TIAM1: variants seen among roughly 807,000 people sequenced by gnomAD.
TIAM1 encodes the protein TIAM Rac1 associated GEF 1, also known as rho guanine nucleotide exchange factor TIAM1.
TIAM1 carries 65 observed loss-of-function variants against 163.5 expected under a neutral mutation model. The ratio of observed to expected loss-of-function variants is 0.40; its 90% CI spans 0.33 to 0.49. TIAM1 has a LOEUF of 0.49. Ranked by LOEUF, TIAM1 falls within the 20% of genes least tolerant of loss-of-function variation. The probability of loss-of-function intolerance (pLI) is 0.77; values close to 1 mark genes in which losing one functional copy is unlikely to be tolerated. For missense variants in TIAM1, 1,789 were observed against 2,044.7 expected, an observed-to-expected ratio of 0.87 and a Z score of 2.41; for synonymous variants, 833 against 810.1, an observed-to-expected ratio of 1.03 and a Z score of -0.48.
In TIAM1 at chr21:31,451,421, ACAGGG is replaced by A. The variant is rs1312709578; in HGVS notation, c.-369+12557_-369+12561del. Among the ~76,000 whole-genome samples the A allele has an allele frequency of 2.0e-5, 3 of 152,244 alleles. No individual in the cohort carries two copies. In the East Asian group the frequency reaches 5.8e-4, roughly 29 times the overall value. ...ATAGATGTATATATACACACTGCATACAGGGAAGTTAGCCAAGTCTACACATGACT... is the reference window on the plus strand; with the variant it reads ...ATAGATGTATATATACACACTGCATAAAGTTAGCCAAGTCTACACATGACT... On this transcript the variant is annotated intron_variant, in intron 2 of 28. Transcript: ENST00000286827.
At chr21:31,184,896 C>T (rs539706234) in intron 14 of TIAM1, among the ~76,000 whole-genome samples, 15 of 152,322 alleles carry the variant, frequency 9.8e-5, no homozygotes, top group Admixed American at 7.2e-4. Flanking sequence ...CCTTTCCATG[C>T]ATAGCCAAGT....
intron 1 of TIAM1, among the ~76,000 whole-genome samples, chr21:31,497,175 A>T (rs1249552874): frequency 6.6e-6 from 1 of 152,176 alleles, no homozygotes; most frequent in Non-Finnish European, 1.5e-5. Flanking sequence ...AGGGTATACC[A>T]TCTAGGTTTA....
chr21:31,242,860 C>CAAAAAAAAAAAAA (rs11417948), intron 6 of TIAM1, among the ~76,000 whole-genome samples: 15 of 94,804 alleles, frequency 1.6e-4, no homozygotes, highest in South Asian at 3.7e-4. Flanking sequence ...GACTCTGTCT[C>CAAAAAAAAAAAAA]AAAAAAAAAA....
intron 1 of TIAM1, among the ~76,000 whole-genome samples, chr21:31,539,794 T>C (rs1039576625): frequency 6.6e-6 from 1 of 152,190 alleles, no homozygotes; most frequent in Non-Finnish European, 1.5e-5. Flanking sequence ...CCAGGTTGTG[T>C]GGCCTGTCAC....
intron 6 of TIAM1, among the ~76,000 whole-genome samples, chr21:31,243,364 T>C (rs927771931): frequency 6.7e-6 from 1 of 149,542 alleles, no homozygotes; most frequent in African/African-American, 2.5e-5. Flanking sequence ...GATTAAGGAA[T>C]AGAATGAAAA....
At chr21:31,300,329 A>C (rs964667994) in intron 2 of TIAM1, among the ~76,000 whole-genome samples, 1 of 152,204 alleles carries the variant, frequency 6.6e-6, no homozygotes, top group African/African-American at 2.4e-5. Context: ...ACCCAGTCTC[A>C]GGTATTTCTT....
At position 31,203,653 on chromosome 21, in the gene TIAM1, G is replaced by C. The variant is rs377008309; in HGVS notation, c.2389-641C>G. The stretch of plus-strand genomic sequence containing the variant: ...CAACACAACACAGCAGATCAAAAAG[G>C]TTCTTAAATATAACTTCATAGATAG... On this transcript the variant is annotated intron_variant, in intron 11 of 27. Coordinates refer to ENST00000541036, the MANE Select transcript of TIAM1 (RefSeq NM_001353694.2). Among the ~76,000 whole-genome samples the C allele has an allele frequency of 1.1e-3, 170 of 149,642 alleles. 1 individual carries two copies. Among genetic ancestry groups the C allele is most frequent in the African/African-American group, 3.6e-3 (149 of 41,342 alleles).
intron 1 of TIAM1, among the ~76,000 whole-genome samples, chr21:31,523,581 A>C (rs978972201): frequency 2.6e-5 from 4 of 152,150 alleles, no homozygotes; most frequent in Non-Finnish European, 4.4e-5. Context: ...CTGTGGGCAA[A>C]TCTCTTCATC....
chr21:31,365,042 A>G (rs939934116), intron 2 of TIAM1, among the ~76,000 whole-genome samples: 4 of 152,190 alleles, frequency 2.6e-5, no homozygotes, highest in Non-Finnish European at 5.9e-5. Flanking sequence ...ACATGACACC[A>G]ATTATTCTTC....
chr21:31,185,163 A>C (rs2085219937), intron 14 of TIAM1, among the ~76,000 whole-genome samples: 1 of 152,050 alleles, frequency 6.6e-6, no homozygotes, highest in African/African-American at 2.4e-5. Flanking sequence ...CACTTCTTGG[A>C]TGAAACTACA....
intron 8 of TIAM1, among the ~76,000 whole-genome samples, chr21:31,222,750 C>T (rs1249850052): frequency 4.8e-5 from 5 of 103,476 alleles, no homozygotes; most frequent in African/African-American, 1.8e-4. Flanking sequence ...CAGAGTCTCA[C>T]TTTGTCACCC....
chr21:31,192,621 AAGAC>A (rs1245698747), intron 13 of TIAM1, among the ~76,000 whole-genome samples: 2 of 152,116 alleles, frequency 1.3e-5, no homozygotes, highest in Non-Finnish European at 2.9e-5. Flanking sequence ...AAAAAAAAAA[AAGAC>A]AGCTTAATAA....
At chr21:31,295,850 T>C (rs1421795480) in intron 2 of TIAM1, among the ~76,000 whole-genome samples, 6 of 152,154 alleles carry the variant, frequency 3.9e-5, no homozygotes, top group African/African-American at 1.4e-4. Flanking sequence ...TGGGCTGGAG[T>C]GCAGTGGAGC....
intron 26 of TIAM1, among the ~76,000 whole-genome samples, chr21:31,125,404 G>C (rs1187000023): frequency 6.6e-6 from 1 of 152,072 alleles, no homozygotes; most frequent in East Asian, 1.9e-4. Context: ...AGCCAAAATA[G>C]ACGGTAAAGG....
chr21:31,427,763 G>C (rs1416137575), intron 2 of TIAM1, among the ~76,000 whole-genome samples: 6 of 152,104 alleles, frequency 3.9e-5, no homozygotes, highest in Non-Finnish European at 7.3e-5. Context: ...GAGCCCAGGA[G>C]ATTGAGGCTG....
At chr21:31,509,436 G>A (rs2047138384) in intron 1 of TIAM1, among the ~76,000 whole-genome samples, 1 of 152,194 alleles carries the variant, frequency 6.6e-6, no homozygotes, top group Non-Finnish European at 1.5e-5. Flanking sequence ...CACCTGCCTG[G>A]CACAGGCGCC....
At chr21:31,404,972 GTGGGCATGCCTGTA>G (rs199779046) in intron 2 of TIAM1, among the ~76,000 whole-genome samples, 6,213 of 152,182 alleles carry the variant, frequency 0.041, 156 homozygotes, top group South Asian at 0.11. Flanking sequence ...GCCAGGCATA[GTGGGCATGCCTGTA>G]ATCTCAGCAC....
At chr21:31,162,296 T>C (rs977584331) in intron 16 of TIAM1, among the ~76,000 whole-genome samples, 6 of 152,150 alleles carry the variant, frequency 3.9e-5, no homozygotes, top group Non-Finnish European at 7.3e-5. Context: ...GTGCCTAATA[T>C]ATACAAGACC....
chr21:31,150,111 A>G (rs2083309188), intron 19 of TIAM1, among the ~76,000 whole-genome samples: 1 of 152,188 alleles, frequency 6.6e-6, no homozygotes. Flanking sequence ...AATCTAGATG[A>G]AGGGTATTCA....
Sources: gnomAD v4.1 joint callset for allele counts (sites outside exome capture counted in the v4.1 genomes callset) on GRCh38, gnomAD v4.1.1 for gene constraint, MANE v1.5 for transcripts, NCBI Gene and HGNC (gene_info 2026-07-23, HGNC 2026-07-21) for gene names.